Variants in CARMIL1 observed in about 807,000 individuals in gnomAD.
CARMIL1 encodes F-actin-uncapping protein LRRC16A.
CARMIL1 carries 90 observed loss-of-function variants against 177.1 expected under a neutral mutation model. The ratio of observed to expected loss-of-function variants is 0.51; its 90% CI spans 0.43 to 0.61. The LOEUF is 0.61. Among genes scored for constraint, CARMIL1 ranks in the 20% least tolerant of loss-of-function variants. CARMIL1 has a pLI of 0.00. For missense variants in CARMIL1, 1,380 were observed against 1,667.0 expected (o/e 0.83, Z 3.00); for synonymous variants, 577 against 606.2 (o/e 0.95, Z 0.71).
chr6:25,492,166 C>T, intron 15 of CARMIL1, 142 bp downstream of exon 15: 1 of 652,022 alleles, frequency 1.5e-6, no homozygotes, highest in East Asian at 2.8e-5. Flanking sequence ...AATATTAGTC[C>T]TTGAACATTC....
intron 29 of CARMIL1, among the ~76,000 whole-genome samples, chr6:25,565,205 C>G (rs534704942): frequency 1.2e-4 from 18 of 152,278 alleles, no homozygotes; most frequent in African/African-American, 4.3e-4. Context: ...AGCCTTATCA[C>G]CCAGAACCTT....
intron 2 of CARMIL1, among the ~76,000 whole-genome samples, chr6:25,293,686 T>C (rs1782168674): frequency 6.6e-6 from 1 of 151,766 alleles, no homozygotes; most frequent in Admixed American, 6.6e-5. Context: ...TCCCTTCCTC[T>C]CCTTTCCCTT....
intron 2 of CARMIL1, among the ~76,000 whole-genome samples, chr6:25,412,818 C>T (rs1036526643): frequency 3.9e-5 from 6 of 152,186 alleles, no homozygotes; most frequent in Non-Finnish European, 5.9e-5. Flanking sequence ...AAACCCTACA[C>T]TAGGCTGTAT....
intron 1 of CARMIL1, among the ~76,000 whole-genome samples, chr6:25,281,168 ACG>A (rs1781090704): frequency 1.3e-5 from 2 of 149,958 alleles, no homozygotes; most frequent in African/African-American, 4.9e-5. Context: ...ACACACACAC[ACG>A]CACCTCTCAT....
intron 2 of CARMIL1, among the ~76,000 whole-genome samples, chr6:25,345,128 G>A (rs77436908): frequency 0.052 from 7,916 of 152,122 alleles, 276 homozygotes; most frequent in Non-Finnish European, 0.087. Context: ...TCGGGGCCAC[G>A]GGTAGCATTT....
At chr6:25,374,031 C>G (rs1488730399) in intron 2 of CARMIL1, among the ~76,000 whole-genome samples, 1 of 152,252 alleles carries the variant, frequency 6.6e-6, no homozygotes, top group African/African-American at 2.4e-5. Flanking sequence ...TTTAGTTCTG[C>G]TCTAATGAAA....
At chr6:25,372,865 T>C (rs1790559472) in intron 2 of CARMIL1, among the ~76,000 whole-genome samples, 1 of 152,226 alleles carries the variant, frequency 6.6e-6, no homozygotes, top group Admixed American at 6.5e-5. Context: ...TTCAGTATGA[T>C]GTTGGCTGTG....
intron 13 of CARMIL1, among the ~76,000 whole-genome samples, chr6:25,490,098 G>C (rs1803052073): frequency 6.6e-6 from 1 of 152,194 alleles, no homozygotes; most frequent in African/African-American, 2.4e-5. Flanking sequence ...GAGTGGGCTG[G>C]AGGGGAGAGT....
intron 2 of CARMIL1, among the ~76,000 whole-genome samples, chr6:25,369,383 T>TG (rs201757521): frequency 0.037 from 3,153 of 84,566 alleles, 93 homozygotes; most frequent in African/African-American, 0.089. Context: ...TATTTTGTTT[T>TG]TTTTTTTTTT....
In CARMIL1 at chr6:25,606,176, C is replaced by A; in HGVS notation, c.3750C>A (p.Ser1250Arg). 1 of 1,613,974 alleles carries A rather than the reference C, an allele frequency of 6.2e-7. No homozygotes were observed. ...EAGSRSRSSS[S>R]TPTSPKPLLQ... The stretch of plus-strand genomic sequence containing the variant: ...GCTCCAGGTCTCGGAGCTCATCCAG[C>A]ACACCTACGAGCCCGAAGCCCCTCC... The change falls in exon 35 of 37, where the codon AGC (serine) becomes AGA (arginine). Residue 1250 changes from serine (S) to arginine (R), a missense_variant. Physicochemically the swap from Ser to Arg is moderately radical, Grantham distance 110. Coordinates refer to ENST00000329474, the MANE Select transcript of CARMIL1 (RefSeq NM_017640.6).
chr6:25,507,352 A>G (rs1470030078), intron 17 of CARMIL1: 3 of 152,400 alleles, frequency 2.0e-5, no homozygotes, highest in Non-Finnish European at 4.4e-5. Flanking sequence ...AATTTTAGTT[A>G]GAAGTATTTT....
intron 2 of CARMIL1, among the ~76,000 whole-genome samples, chr6:25,331,710 G>A (rs1334846673): frequency 1.3e-5 from 2 of 152,074 alleles, no homozygotes; most frequent in Non-Finnish European, 2.9e-5. Context: ...CTACGTGACT[G>A]GACCCCATTA....
At chr6:25,512,794 A>C (rs551713974) in intron 20 of CARMIL1, among the ~76,000 whole-genome samples, 1 of 152,182 alleles carries the variant, frequency 6.6e-6, no homozygotes, top group African/African-American at 2.4e-5. Flanking sequence ...AGTAACATAG[A>C]GGGCCAAGAT....
At position 25,510,694 on chromosome 6, in the gene CARMIL1, TA is replaced by T. The variant is rs946874865; in HGVS notation, c.1578-10del. On this transcript the variant is annotated splice_polypyrimidine_tract_variant and intron_variant, in intron 19 of 36. Transcript: ENST00000329474. ...GATTTGATTCCACTGTCCACATCTC[TA>T]AAATCTCTTTAGAAATCTGACACCT... The T allele has an allele frequency of 1.9e-6, 3 of 1,540,954 alleles. No homozygotes were observed. The highest frequency in any genetic ancestry group is 2.6e-6 in the Non-Finnish European group (3 of 1,136,988).
rs1406626892 is a variant in CARMIL1 at position 25,594,457 on chromosome 6, G to T, written c.3049G>T (p.Gly1017Cys). 6.2e-7 allele frequency: 1 copy of T among 1,613,506 alleles called. No individual in the cohort carries two copies. ...AGTCTCACAAGATGGTGAACAGAAT[G>T]GTCTCATGGGGAGAGTGGATGAAGG... ...NIVSQDGEQN[G>C]LMGRVDEGVD... The change falls in exon 32 of 37, where the codon GGT (glycine) becomes TGT (cysteine). Residue 1017 changes from glycine (G) to cysteine (C), a missense_variant. Transcript: ENST00000329474.
chr6:25,462,118 G>C (rs1039720200), intron 8 of CARMIL1, among the ~76,000 whole-genome samples: 1 of 152,068 alleles, frequency 6.6e-6, no homozygotes, highest in Non-Finnish European at 1.5e-5. Context: ...TCAGCATGTG[G>C]CTTATCTTTT....
At chr6:25,614,270 C>T (rs1037829480) in intron 36 of CARMIL1, among the ~76,000 whole-genome samples, 1 of 152,202 alleles carries the variant, frequency 6.6e-6, no homozygotes, top group African/African-American at 2.4e-5. Flanking sequence ...TTAAAGACAC[C>T]TCTCAGAGCA....
chr6:25,314,530 A>G (rs1784116881), intron 2 of CARMIL1, among the ~76,000 whole-genome samples: 6 of 151,838 alleles, frequency 4.0e-5, no homozygotes, highest in Admixed American at 3.9e-4. Flanking sequence ...ACATACACAT[A>G]TATACGTATA....
At chr6:25,421,937 G>A (rs963669250) in intron 3 of CARMIL1, among the ~76,000 whole-genome samples, 1 of 150,636 alleles carries the variant, frequency 6.6e-6, no homozygotes, top group Admixed American at 6.6e-5. Context: ...GAGTTAATGG[G>A]TGCAGCACAC....
Sources: gnomAD v4.1 joint callset for allele counts (sites outside exome capture counted in the v4.1 genomes callset) on GRCh38, gnomAD v4.1.1 for gene constraint, MANE v1.5 for transcripts, NCBI Gene and HGNC (gene_info 2026-07-23, HGNC 2026-07-21) for gene names.